The following USP31 variants were observed in gnomAD, a reference collection of about 807,000 sequenced individuals.
The protein encoded by USP31 is ubiquitin specific peptidase 31.
A neutral mutation model predicts 119.4 loss-of-function variants in USP31; 44 were observed. That is an observed-to-expected ratio of 0.37 (90% CI 0.29 to 0.47). The LOEUF (loss-of-function observed/expected upper bound fraction) is 0.47. USP31 is among the 20% of genes least tolerant of loss of function. The probability of loss-of-function intolerance (pLI) is 0.99; values close to 1 mark genes in which losing one functional copy is unlikely to be tolerated. For synonymous variants in USP31, 749 were observed against 705.6 expected (o/e 1.06, Z -0.97); for missense variants, 1,643 against 1,730.2 (o/e 0.95, Z 0.89).
chr16:23,098,514 GACAATCCTA>G (rs1901713473), intron 6 of USP31, among the ~76,000 whole-genome samples: 1 of 152,062 alleles, frequency 6.6e-6, no homozygotes, highest in South Asian at 2.1e-4. Context: ...GCATCACCAA[GACAATCCTA>G]AGCAAAAAGA....
chr16:23,142,131 A>G (rs1051382524), intron 1 of USP31, among the ~76,000 whole-genome samples: 1 of 152,214 alleles, frequency 6.6e-6, no homozygotes, highest in Admixed American at 6.5e-5. Context: ...TTCAGGTCCA[A>G]AATATGGAGT....
At chr16:23,143,686 C>T (rs550051524) in intron 1 of USP31, among the ~76,000 whole-genome samples, 2 of 152,204 alleles carry the variant, frequency 1.3e-5, no homozygotes, top group East Asian at 3.9e-4. Context: ...AGTCTCCAAA[C>T]TTTCCTCCAA....
At chr16:23,114,066 C>T (rs560614481) in intron 1 of USP31, among the ~76,000 whole-genome samples, 2 of 151,662 alleles carry the variant, frequency 1.3e-5, no homozygotes, top group African/African-American at 4.8e-5. Context: ...GATCGCATCA[C>T]TGCACTCCAG....
chr16:23,080,170 T>A lies in USP31; in HGVS notation c.1952A>T (p.Glu651Val), dbSNP rs772116477. ...LIIHLKRFRQ[E>V]GDRRMKLQNM... ...CTGAAGTTTCATGCGCCTGTCTCCT[T>A]CCTGTTGCAAGAAGAAAAACAAGTT... Residue 651 changes from glutamate to valine, a missense_variant and splice_region_variant, in exon 13 of 16, where the codon GAA (glutamate) becomes GTA (valine). By Grantham distance (121) the Glu-to-Val change is moderately radical. This residue lies in a region of USP31 where 279 missense variants were observed against 372.2 expected (regional missense o/e 0.75). Coordinates refer to ENST00000219689, the MANE Select transcript of USP31 (RefSeq NM_020718.4). The A allele has an allele frequency of 6.5e-7, 1 of 1,535,004 alleles. No homozygotes were observed. The highest frequency in any genetic ancestry group is 8.7e-7 in the Non-Finnish European group (1 of 1,145,074).
intron 1 of USP31, among the ~76,000 whole-genome samples, chr16:23,138,579 G>A (rs768314062): frequency 7.2e-5 from 11 of 152,226 alleles, no homozygotes; most frequent in Middle Eastern, 3.4e-3. Context: ...ACATGGCACC[G>A]AAGGACTTCC....
intron 9 of USP31, among the ~76,000 whole-genome samples, chr16:23,085,887 T>C (rs537055112): frequency 6.6e-6 from 1 of 152,226 alleles, no homozygotes; most frequent in South Asian, 2.1e-4. Flanking sequence ...AAAAGCCCAA[T>C]ACAGTACTAA....
intron 7 of USP31, among the ~76,000 whole-genome samples, chr16:23,088,096 A>G (rs1567231269): frequency 6.6e-6 from 1 of 152,206 alleles, no homozygotes; most frequent in Non-Finnish European, 1.5e-5. Context: ...GCAACGGGGC[A>G]GGATCAGTGA....
chr16:23,137,406 G>T (rs1261210400), intron 1 of USP31, among the ~76,000 whole-genome samples: 2 of 152,006 alleles, frequency 1.3e-5, no homozygotes, highest in East Asian at 3.9e-4. Flanking sequence ...GTTAAACATA[G>T]AATTATATGA....
rs575145264 is a variant in USP31 at position 23,065,322 on chromosome 16, T to TAAAAAAAAAAA, written c.*2713_*2723dup. ...TTGTGCTAAATATTGCTGGGAAAAT[T>TAAAAAAAAAAA]AAAAAAAAAAAAAAAAAGAAAAGAA... On this transcript the variant is annotated 3_prime_UTR_variant, in exon 16 of 16. Coordinates refer to ENST00000219689, the MANE Select transcript of USP31 (RefSeq NM_020718.4). 9.2e-6 allele frequency: 1 copy of TAAAAAAAAAAA among 108,862 alleles called. No homozygotes were observed. Among genetic ancestry groups the TAAAAAAAAAAA allele is most frequent in the African/African-American group, 3.5e-5 (1 of 28,244 alleles). The allele number at this position is 108,862 out of a possible 1,614,324, so 6.7% of individuals were successfully genotyped here. A position where few individuals can be genotyped will look rare whatever the true frequency, so the allele number is the denominator to read the frequency against.
chr16:23,126,461 TA>T lies in USP31; in HGVS notation c.634-18279del, dbSNP rs778289648. Among the ~76,000 whole-genome samples, 994 of 129,178 alleles carry T rather than the reference TA, an allele frequency of 7.7e-3. 5 individuals carry two copies. Among genetic ancestry groups the T allele is most frequent in the African/African-American group, 0.015 (535 of 34,932 alleles). The allele number at this position is 129,178 out of a possible 152,430, so 84.7% of individuals were successfully genotyped here. A position where few individuals can be genotyped will look rare whatever the true frequency, so the allele number is the denominator to read the frequency against. ...AACATGGTGAAACCTCGTCTCTACT[TA>T]AAAAAAAAAAAAAAATTAGCTGGGC... is the stretch of plus-strand genomic sequence containing the variant. On this transcript the variant is annotated intron_variant, in intron 1 of 15. Coordinates refer to ENST00000219689, the MANE Select transcript of USP31 (RefSeq NM_020718.4).
chr16:23,064,180 C>T lies in USP31; in HGVS notation c.*3866G>A, dbSNP rs1476652082. On this transcript the variant is annotated 3_prime_UTR_variant, in exon 16 of 16. Coordinates refer to ENST00000219689, the MANE Select transcript of USP31 (RefSeq NM_020718.4). Reference sequence around the variant, plus strand: ...TGCATACTATTTCAAAAATCCAACCCAGAAACACTAGTTAAATCTTTGTAT... The same window carrying T: ...TGCATACTATTTCAAAAATCCAACCTAGAAACACTAGTTAAATCTTTGTAT... The T allele has an allele frequency of 6.6e-6, 1 of 152,592 alleles. No homozygotes were observed. The highest frequency in any genetic ancestry group is 6.5e-5 in the Admixed American group (1 of 15,282). 9.5% of individuals were successfully genotyped at this position (152,592 alleles called of 1,614,324 possible).
intron 6 of USP31, among the ~76,000 whole-genome samples, chr16:23,091,893 T>A (rs1901378798): frequency 1.3e-5 from 2 of 152,150 alleles, no homozygotes; most frequent in Admixed American, 1.3e-4. Flanking sequence ...AACTCTGGTA[T>A]GAGAAAATAA....
intron 1 of USP31, chr16:23,115,798 C>CTTCAAAGAGAGAATGTTT: frequency 1.0e-6 from 1 of 984,104 alleles, no homozygotes; most frequent in Non-Finnish European, 1.2e-6. Context: ...TCTCCTTACC[C>CTTCAAAGAGAGAATGTTT]TTCAAAGAGA....
chr16:23,143,521 T>G (rs1247052053), intron 1 of USP31, among the ~76,000 whole-genome samples: 1 of 147,586 alleles, frequency 6.8e-6, no homozygotes, highest in African/African-American at 2.5e-5. Flanking sequence ...AGTTTTACCC[T>G]AGTGCTGCTG....
At chr16:23,135,041 G>T (rs75869183) in intron 1 of USP31, among the ~76,000 whole-genome samples, 3,867 of 149,754 alleles carry the variant, frequency 0.026, 60 homozygotes, top group African/African-American at 0.043. Context: ...AAAATTGATC[G>T]TAACATTAAC....
Position 23,068,937 on chromosome 16 carries a change from T to A in USP31, c.3168A>T (p.Thr1056=), listed in dbSNP as rs757789941. ...TTACAGGAAGAGGAGAAGAAGGGGA[T>A]GTACTTGAAAGGGATGACTCCTGGC... The part of the protein sequence containing the change: ...LASQESSLSS[T]SPSSPLPVKV... The change falls in exon 16 of 16, where the codon ACA becomes ACT. Residue 1056 remains threonine (T), a synonymous_variant. Coordinates refer to ENST00000219689, the MANE Select transcript of USP31 (RefSeq NM_020718.4). The A allele has an allele frequency of 1.2e-6, 2 of 1,613,836 alleles. No homozygotes were observed. The highest frequency in any genetic ancestry group is 3.3e-5 in the Admixed American group (2 of 59,966).
At chr16:23,117,208 T>C (rs952588400) in intron 1 of USP31, among the ~76,000 whole-genome samples, 7 of 152,190 alleles carry the variant, frequency 4.6e-5, no homozygotes, top group Admixed American at 2.6e-4. Flanking sequence ...GGGCCAAGCA[T>C]AGGATAACTC....
At chr16:23,121,438 C>A (rs1245876572) in intron 1 of USP31, among the ~76,000 whole-genome samples, 4 of 152,340 alleles carry the variant, frequency 2.6e-5, no homozygotes, top group South Asian at 4.1e-4. Flanking sequence ...CAATTTAGAA[C>A]CTTCCCAGCC....
intron 4 of USP31, 24 bp downstream of exon 4, chr16:23,106,189 T>C (rs1902094967): frequency 6.2e-7 from 1 of 1,613,568 alleles, no homozygotes; most frequent in Non-Finnish European, 8.5e-7. Context: ...AATACAGTCT[T>C]CATTTTACTA....
Sources: allele counts gnomAD v4.1 joint callset (sites outside exome capture counted in the v4.1 genomes callset), GRCh38; gene constraint gnomAD v4.1.1; regional missense constraint gnomAD v4.1.1; transcripts MANE v1.5; gene names NCBI Gene and HGNC (gene_info 2026-07-23, HGNC 2026-07-21).